The following SPEN variants were observed in gnomAD, a reference collection of about 807,000 sequenced individuals.
The protein encoded by SPEN is msx2-interacting protein.
SPEN carries 18 observed loss-of-function variants against 269.9 expected under a neutral mutation model. The ratio of observed to expected loss-of-function variants is 0.07; its 90% CI spans 0.05 to 0.10. SPEN has a LOEUF of 0.10. Ranked by LOEUF, SPEN falls within the 10% of genes least tolerant of loss-of-function variation. The probability of loss-of-function intolerance (pLI) is 1.00; values close to 1 mark genes in which losing one functional copy is unlikely to be tolerated. For synonymous variants in SPEN, 1,726 were observed against 1,765.7 expected (o/e 0.98, Z 0.56); for missense variants, 3,822 against 4,631.2 (o/e 0.83, Z 5.07).
intron 3 of SPEN, among the ~76,000 whole-genome samples, chr1:15,880,830 G>A (rs1170298189): frequency 6.6e-6 from 1 of 152,096 alleles, no homozygotes; most frequent in Non-Finnish European, 1.5e-5. Flanking sequence ...GACCTGATAG[G>A]TAGCATTTGG....
intron 1 of SPEN, among the ~76,000 whole-genome samples, chr1:15,855,818 A>G (rs1200688141): frequency 2.0e-5 from 3 of 151,316 alleles, no homozygotes; most frequent in Admixed American, 6.6e-5. Flanking sequence ...AGCCAAGATC[A>G]TGCCATTGCA....
Position 15,937,597 on chromosome 1 carries a change from T to A in SPEN, c.10461T>A (p.Ser3487=). 1.2e-6 allele frequency: 2 copies of A among 1,614,106 alleles called. No individual in the cohort carries two copies. Among genetic ancestry groups the A allele is most frequent in the Non-Finnish European group, 1.7e-6 (2 of 1,179,988 alleles). Residue 3487 remains serine, a synonymous_variant, in exon 12 of 15, where the codon TCT becomes TCA. Coordinates refer to ENST00000375759, the MANE Select transcript of SPEN (RefSeq NM_015001.3). This position sits in a 1 kb window ranked among gnomAD's most constrained non-coding sequence, Gnocchi z 5.7. Reference sequence around the variant, plus strand: ...AGCCAGCCCCCAAACAAGATTCCTCTCCACACCTGACTTCCCAGAGACCCG... The same window carrying A: ...AGCCAGCCCCCAAACAAGATTCCTCACCACACCTGACTTCCCAGAGACCCG... ...EFQPAPKQDS[S]PHLTSQRPVD...
At chr1:15,883,112 A>T (rs12031731) in intron 3 of SPEN, among the ~76,000 whole-genome samples, 9,455 of 152,280 alleles carry the variant, frequency 0.062, 351 homozygotes, top group South Asian at 0.15. Context: ...GCTGATTTTT[A>T]AAAAATGTAT....
At position 15,869,930 on chromosome 1, in the gene SPEN, G is replaced by T. The variant is rs1271768591; in HGVS notation, c.84-2886G>T. On this transcript the variant is annotated intron_variant, in intron 1 of 14. Transcript: ENST00000375759. The stretch of plus-strand genomic sequence containing the variant: ...TGCCCAGGCTGGAGTGCAGTGGCGT[G>T]GTCTTGTCTCACTGCAACCTCACTG... 3.3e-5 allele frequency among the ~76,000 whole-genome samples: 5 copies of T among 151,898 alleles called. No individual in the cohort carries two copies. The East Asian group carries it at 9.7e-4, about 29-fold the overall frequency.
At chr1:15,877,483 C>G (rs143195761) in intron 3 of SPEN, among the ~76,000 whole-genome samples, 1 of 152,180 alleles carries the variant, frequency 6.6e-6, no homozygotes, top group Non-Finnish European at 1.5e-5. Context: ...CCAGGCTGTT[C>G]TTGAACTCCT....
intron 3 of SPEN, among the ~76,000 whole-genome samples, chr1:15,897,144 A>G (rs1008423261): frequency 6.6e-6 from 1 of 152,198 alleles, no homozygotes. Flanking sequence ...GACCGGAGAA[A>G]TCTGATAGAC....
intron 3 of SPEN, among the ~76,000 whole-genome samples, chr1:15,905,767 G>T (rs755771319): frequency 6.6e-6 from 1 of 151,356 alleles, no homozygotes; most frequent in African/African-American, 2.4e-5. Context: ...TAGAGACCGG[G>T]TTTCACCATG....
Position 15,865,584 on chromosome 1 carries a change from G to A in SPEN, c.84-7232G>A, listed in dbSNP as rs138686798. 9.2e-3 allele frequency among the ~76,000 whole-genome samples: 1,376 copies of A among 148,908 alleles called. 25 individuals carry two copies. Among genetic ancestry groups the A allele is most frequent in the African/African-American group, 0.032 (1,314 of 40,484 alleles). ...ACTACAGGCACGCACCGCCACATCC[G>A]GCTAATTTTTTTGTATTTTAGTAGA... On this transcript the variant is annotated intron_variant, in intron 1 of 14. Coordinates refer to ENST00000375759, the MANE Select transcript of SPEN (RefSeq NM_015001.3).
intron 7 of SPEN, 82 bp downstream of exon 7, chr1:15,919,133 C>G: frequency 1.6e-6 from 2 of 1,225,392 alleles, no homozygotes; most frequent in Non-Finnish European, 2.3e-6. Context: ...TTTGCATATG[C>G]CTTATTATTT....
chr1:15,931,209 A>T lies in SPEN; in HGVS notation c.4969A>T (p.Thr1657Ser). ...ATCAGCCCCATCAGCACTAGAGAAGACCACTGGTGACAAAACGGTAGAGGC... is the reference window on the plus strand; with the variant it reads ...ATCAGCCCCATCAGCACTAGAGAAGTCCACTGGTGACAAAACGGTAGAGGC... ...LESAPSALEK[T>S]TGDKTVEAPL... Residue 1657 changes from threonine (T) to serine (S), a missense_variant, in exon 11 of 15, where the codon ACC (threonine) becomes TCC (serine). This residue lies in a region of SPEN where 533 missense variants were observed against 618.8 expected (regional missense o/e 0.86). Coordinates refer to ENST00000375759, the MANE Select transcript of SPEN (RefSeq NM_015001.3). The surrounding 1 kb of genome is among the most constrained non-coding windows in gnomAD (Gnocchi z 4.8). The T allele has an allele frequency of 6.2e-7, 1 of 1,614,114 alleles. No homozygotes were observed. The highest frequency in any genetic ancestry group is 8.5e-7 in the Non-Finnish European group (1 of 1,180,018).
Position 15,930,950 on chromosome 1 carries a change from C to T in SPEN, c.4710C>T (p.Asn1570=), listed in dbSNP as rs751247657. The part of the protein sequence containing the change: ...IYGKQTSEGA[N]STTDSIQEPV... Reference sequence around the variant, plus strand: ...GGAAGCAGACATCTGAGGGAGCAAACAGCACAACTGATTCCATTCAAGAAC... The same window carrying T: ...GGAAGCAGACATCTGAGGGAGCAAATAGCACAACTGATTCCATTCAAGAAC... The change falls in exon 11 of 15, where the codon AAC becomes AAT. Residue 1570 remains asparagine (N), a synonymous_variant. Coordinates refer to ENST00000375759, the MANE Select transcript of SPEN (RefSeq NM_015001.3). The surrounding 1 kb of genome is among the most constrained non-coding windows in gnomAD (Gnocchi z 5.3). The T allele has an allele frequency of 6.2e-7, 1 of 1,614,124 alleles. No individual in the cohort carries two copies. Among genetic ancestry groups the T allele is most frequent in the Non-Finnish European group, 8.5e-7 (1 of 1,180,030 alleles).
chr1:15,858,777 A>AAAAC (rs1302743664), intron 1 of SPEN, among the ~76,000 whole-genome samples: 2 of 152,020 alleles, frequency 1.3e-5, no homozygotes, highest in Non-Finnish European at 2.9e-5. Flanking sequence ...TGTAAAAACA[A>AAAAC]AAACAAACAA....
chr1:15,899,460 G>A (rs867624278), intron 3 of SPEN, among the ~76,000 whole-genome samples: 7 of 151,788 alleles, frequency 4.6e-5, no homozygotes, highest in East Asian at 1.9e-4. Flanking sequence ...GATTACAGGC[G>A]TGAGCCACTG....
In SPEN at chr1:15,929,854, G is replaced by A. The variant is rs1459952195; in HGVS notation, c.3614G>A (p.Arg1205His). ...PKKDVDEYER[R>H]SLVHEVGKPP... ...AAAGATGTAGATGAATATGAAAGAC[G>A]TAGCCTCGTTCACGAGGTAGGCAAA... The change falls in exon 11 of 15, where the codon CGT becomes CAT. Residue 1205 changes from arginine to histidine, a missense_variant. This residue lies in a region of SPEN where 46 missense variants were observed against 94.0 expected (regional missense o/e 0.49). Coordinates refer to ENST00000375759, the MANE Select transcript of SPEN (RefSeq NM_015001.3). This position sits in a 1 kb window ranked among gnomAD's most constrained non-coding sequence, Gnocchi z 5.8. 1.2e-6 allele frequency: 2 copies of A among 1,614,034 alleles called. No homozygotes were observed. The highest frequency in any genetic ancestry group is 1.7e-6 in the Non-Finnish European group (2 of 1,180,042).
At chr1:15,938,589 C>G in intron 13 of SPEN, 129 bp from the exon 14 acceptor site, 13 of 167,968 alleles carry the variant, frequency 7.7e-5, no homozygotes, top group Non-Finnish European at 1.2e-4. Context: ...TTTTTTCATT[C>G]AAATATCAGG....
Position 15,929,728 on chromosome 1 carries a change from T to A in SPEN, c.3488T>A (p.Ile1163Asn). The stretch of plus-strand genomic sequence containing the variant: ...ACTGAAGAAAAAATTGGCATTGACA[T>A]CGATCACACGCAGAGTTACCGAAAA... ...VNTEEKIGID[I>N]DHTQSYRKQM... is the part of the protein sequence containing the mutation. Residue 1163 changes from isoleucine to asparagine, a missense_variant, in exon 11 of 15, where the codon ATC becomes AAC. Ile to Asn is a moderately radical substitution (Grantham distance 149, BLOSUM62 -3). Coordinates refer to ENST00000375759, the MANE Select transcript of SPEN (RefSeq NM_015001.3). This position sits in a 1 kb window ranked among gnomAD's most constrained non-coding sequence, Gnocchi z 5.8. The A allele has an allele frequency of 1.9e-6, 3 of 1,614,070 alleles. No homozygotes were observed. Among genetic ancestry groups the A allele is most frequent in the Non-Finnish European group, 2.5e-6 (3 of 1,179,966 alleles).
At chr1:15,920,671 A>G (rs1412997765) in intron 8 of SPEN, among the ~76,000 whole-genome samples, 199 bp from the exon 9 acceptor site, 9 of 152,214 alleles carry the variant, frequency 5.9e-5, no homozygotes, top group East Asian at 5.8e-4. Context: ...CATAATGTCT[A>G]TGATTCTAAA....
At chr1:15,924,031 A>C (rs1570052796) in intron 10 of SPEN, among the ~76,000 whole-genome samples, 1 of 152,182 alleles carries the variant, frequency 6.6e-6, no homozygotes, top group East Asian at 1.9e-4. Context: ...CAAACTTGTC[A>C]GGTTTTGATG....
intron 1 of SPEN, among the ~76,000 whole-genome samples, chr1:15,851,630 G>A (rs1361243971): frequency 6.6e-6 from 1 of 152,154 alleles, no homozygotes; most frequent in Non-Finnish European, 1.5e-5. Flanking sequence ...TCCATCTCCA[G>A]TTTTAGAGAC....
Sources: gnomAD v4.1 joint callset for allele counts (sites outside exome capture counted in the v4.1 genomes callset) on GRCh38, gnomAD v4.1.1 for gene constraint, gnomAD v4.1.1 regional missense constraint, Gnocchi (gnomAD v3.1) non-coding constraint, MANE v1.5 for transcripts, NCBI Gene and HGNC (gene_info 2026-07-23, HGNC 2026-07-21) for gene names.